NKX2-3: variants seen among roughly 807,000 people sequenced by gnomAD.
NKX2-3 encodes homeobox protein Nkx-2.3.
NKX2-3 carries 3 observed loss-of-function variants against 14.2 expected under a neutral mutation model. The ratio of observed to expected loss-of-function variants is 0.21; its 90% confidence interval spans 0.10 to 0.55. The LOEUF (loss-of-function observed/expected upper bound fraction) is 0.55, where lower values mean the gene tolerates loss of function less well. NKX2-3 is among the 20% of genes least tolerant of loss of function. NKX2-3 has a pLI of 0.94. For missense variants in NKX2-3, 511 were observed against 514.5 expected (o/e 0.99, Z 0.06); for synonymous variants, 276 against 234.2 (o/e 1.18, Z -1.63).
At position 99,533,230 on chromosome 10, in the gene NKX2-3, G is replaced by A; in HGVS notation, c.99G>A (p.Gln33=). The part of the protein sequence containing the change: ...QHQHFHGAHL[Q]ADLEHHFHSA... ...AGCACTTCCATGGTGCGCACTTGCAGGCGGACTTGGAGCACCACTTCCACT... is the reference window on the plus strand; with the variant it reads ...AGCACTTCCATGGTGCGCACTTGCAAGCGGACTTGGAGCACCACTTCCACT... Residue 33 remains glutamine (Q), a synonymous_variant, in exon 1 of 2, where the codon CAG becomes CAA. Transcript: ENST00000344586. The A allele has an allele frequency of 6.2e-7, 1 of 1,611,204 alleles. No individual in the cohort carries two copies. Among genetic ancestry groups the A allele is most frequent in the Non-Finnish European group, 8.5e-7 (1 of 1,177,530 alleles).
chr10:99,535,235 C>A lies in NKX2-3; in HGVS notation c.609C>A (p.Cys203Ter). 6.2e-7 allele frequency: 1 copy of A among 1,612,490 alleles called. No individual in the cohort carries two copies. The highest frequency in any genetic ancestry group is 1.7e-5 in the Admixed American group (1 of 59,934). Residue 203 changes from cysteine to a stop codon, truncating the protein, a stop_gained, in exon 2 of 2, where the codon TGC (cysteine) becomes TGA (stop). Coordinates refer to ENST00000344586, the MANE Select transcript of NKX2-3 (RefSeq NM_145285.3). LOFTEE classifies it low-confidence loss of function (END_TRUNC). ...GGTTCCAGAATCGCAGGTACAAGTGCAAGAGACAGCGGCAGGACAAGTCTC... is the reference window on the plus strand; with the variant it reads ...GGTTCCAGAATCGCAGGTACAAGTGAAAGAGACAGCGGCAGGACAAGTCTC... ...KIWFQNRRYK[C>*]KRQRQDKSLE...
Position 99,535,638 on chromosome 10 carries a change from G to A in NKX2-3, c.1012G>A (p.Gly338Ser), listed in dbSNP as rs1408215465. ...VSNLGGFGSG[G>S]SAQPLHQGTA... is the part of the protein sequence containing the mutation. ...CAACCTAGGAGGCTTCGGCAGCGGC[G>A]GCAGCGCACAGCCGTTGCACCAGGG... The change falls in exon 2 of 2, where the codon GGC (glycine) becomes AGC (serine). Residue 338 changes from glycine (G) to serine (S), a missense_variant. Physicochemically the swap from Gly to Ser is moderately conservative, Grantham distance 56. Transcript: ENST00000344586. 6.5e-7 allele frequency: 1 copy of A among 1,534,840 alleles called. No individual in the cohort carries two copies. The highest frequency in any genetic ancestry group is 2.5e-5 in the East Asian group (1 of 40,064).
In NKX2-3 at chr10:99,533,502, G is replaced by A; in HGVS notation, c.358+13G>A. The A allele has an allele frequency of 4.5e-6, 7 of 1,548,440 alleles. No individual in the cohort carries two copies. The highest frequency in any genetic ancestry group is 5.2e-6 in the Non-Finnish European group (6 of 1,142,942). ...GACCGGAGCCAAAGTGAGTAGAGGG[G>A]GAAAGAAAACGCACCCGCACACCTG... On this transcript the variant is annotated intron_variant, in intron 1 of 1. Transcript: ENST00000344586.
rs1044990766 is a variant in NKX2-3 at position 99,533,392 on chromosome 10, G to C, written c.261G>C (p.Leu87=). ...AAADGHGDSG[L]CPQGYVHTVL... ...CAGACGGCCACGGGGATTCAGGGCT[G>C]TGTCCCCAGGGCTATGTCCACACGG... Residue 87 remains leucine (L), a synonymous_variant, in exon 1 of 2, where the codon CTG becomes CTC. Transcript: ENST00000344586. The C allele has an allele frequency of 6.2e-7, 1 of 1,607,372 alleles. No individual in the cohort carries two copies. Among genetic ancestry groups the C allele is most frequent in the African/African-American group, 1.3e-5 (1 of 75,040 alleles).
intron 1 of NKX2-3, 142 bp from the exon 2 acceptor site, chr10:99,534,843 G>A: frequency 1.9e-6 from 2 of 1,045,738 alleles, no homozygotes; most frequent in Non-Finnish European, 2.7e-6. Context: ...CACAGCGCCA[G>A]GAGCCACAAA....
At position 99,535,341 on chromosome 10, in the gene NKX2-3, G is replaced by C. The variant is rs2033956292; in HGVS notation, c.715G>C (p.Val239Leu). ...PVLVRDGKPC[V>L]TPSAQAYGAP... ...GCTGGTGCGGGACGGCAAGCCGTGCGTCACGCCCAGCGCGCAGGCCTACGG... is the reference window on the plus strand; with the variant it reads ...GCTGGTGCGGGACGGCAAGCCGTGCCTCACGCCCAGCGCGCAGGCCTACGG... The change falls in exon 2 of 2, where the codon GTC becomes CTC. Residue 239 changes from valine (V) to leucine (L), a missense_variant. Coordinates refer to ENST00000344586, the MANE Select transcript of NKX2-3 (RefSeq NM_145285.3). 6.6e-7 allele frequency: 1 copy of C among 1,516,100 alleles called. No homozygotes were observed. Among genetic ancestry groups the C allele is most frequent in the Non-Finnish European group, 8.8e-7 (1 of 1,135,472 alleles). The allele number at this position is 1,516,100 out of a possible 1,614,324, so 93.9% of individuals were successfully genotyped here.
chr10:99,535,023 G>C lies in NKX2-3; in HGVS notation c.397G>C (p.Asp133His). The change falls in exon 2 of 2, where the codon GAC becomes CAC. Residue 133 changes from aspartate (D) to histidine (H), a missense_variant. By Grantham distance (81) the Asp-to-His change is moderately conservative. Coordinates refer to ENST00000344586, the MANE Select transcript of NKX2-3 (RefSeq NM_145285.3). ...GAAGAAGTCTCTAGAGACGGCCGGAGACTGCAAGGCGGCGGAGGAGAGCGA... is the reference window on the plus strand; with the variant it reads ...GAAGAAGTCTCTAGAGACGGCCGGACACTGCAAGGCGGCGGAGGAGAGCGA... ...QLKKSLETAG[D>H]CKAAEESERP... The C allele has an allele frequency of 6.2e-7, 1 of 1,606,272 alleles. No individual in the cohort carries two copies.
In NKX2-3 at chr10:99,533,340, T is replaced by G. The variant is rs114975224; in HGVS notation, c.209T>G (p.Leu70Trp). 1 of 1,612,510 alleles carries G rather than the reference T, an allele frequency of 6.2e-7. No individual in the cohort carries two copies. The highest frequency in any genetic ancestry group is 1.3e-5 in the African/African-American group (1 of 74,988). ...EEDEEDEGEK[L>W]SYLNSLAAAD... ...GACGAGGAAGACGAGGGCGAGAAAT[T>G]GTCCTATTTGAACTCACTAGCCGCA... is the stretch of plus-strand genomic sequence containing the variant. Residue 70 changes from leucine to tryptophan, a missense_variant, in exon 1 of 2, where the codon TTG becomes TGG. Physicochemically the swap from Leu to Trp is moderately conservative, Grantham distance 61. Around this residue, in one of 3 missense-constraint regions of NKX2-3, gnomAD observed 243 missense variants for 242.3 expected, o/e 1.00. Coordinates refer to ENST00000344586, the MANE Select transcript of NKX2-3 (RefSeq NM_145285.3).
In NKX2-3 at chr10:99,535,302, G is replaced by A; in HGVS notation, c.676G>A (p.Val226Met). 1.3e-6 allele frequency: 2 copies of A among 1,583,730 alleles called. No homozygotes were observed. The highest frequency in any genetic ancestry group is 1.7e-6 in the Non-Finnish European group (2 of 1,166,252). Residue 226 changes from valine to methionine, a missense_variant, in exon 2 of 2, where the codon GTG becomes ATG. Physicochemically the swap from Val to Met is conservative, Grantham distance 21 (BLOSUM62 1). Coordinates refer to ENST00000344586, the MANE Select transcript of NKX2-3 (RefSeq NM_145285.3). ...CGCGCCCCCGCCGCCGCCGCGCCGC[G>A]TGGCTGTCCCGGTGCTGGTGCGGGA... ...AHAPPPPPRR[V>M]AVPVLVRDGK...
In NKX2-3 at chr10:99,536,518, T is replaced by C. The variant is rs1214582931; in HGVS notation, c.*797T>C. 1 of 152,788 alleles carries C rather than the reference T, an allele frequency of 6.5e-6. No homozygotes were observed. Among genetic ancestry groups the C allele is most frequent in the Non-Finnish European group, 1.5e-5 (1 of 68,084 alleles). 9.5% of individuals were successfully genotyped at this position (152,788 alleles called of 1,614,324 possible). On this transcript the variant is annotated 3_prime_UTR_variant, in exon 2 of 2. Coordinates refer to ENST00000344586, the MANE Select transcript of NKX2-3 (RefSeq NM_145285.3). Reference sequence around the variant, plus strand: ...GGAGTCAATAAACAAGGTGCAATATTTTCAAATCGTTGGCCGGCTACAGAA... The same window carrying C: ...GGAGTCAATAAACAAGGTGCAATATCTTCAAATCGTTGGCCGGCTACAGAA...
Position 99,535,438 on chromosome 10 carries a change from C to A in NKX2-3, c.812C>A (p.Ala271Asp). The A allele has an allele frequency of 1.5e-6, 2 of 1,321,394 alleles. No homozygotes were observed. Among genetic ancestry groups the A allele is most frequent in the Non-Finnish European group, 9.7e-7 (1 of 1,031,870 alleles). 81.9% of individuals were successfully genotyped at this position (1,321,394 alleles called of 1,614,324 possible). The stretch of plus-strand genomic sequence containing the variant: ...CCCGCCTACGGCTATGGGAACTCGG[C>A]CGCGGCCGCCGCCGCCGCCGCCGCC... ...SFPAYGYGNS[A>D]AAAAAAAAAA... is the part of the protein sequence containing the mutation. The change falls in exon 2 of 2, where the codon GCC (alanine) becomes GAC (aspartate). Residue 271 changes from alanine (A) to aspartate (D), a missense_variant. This residue lies in a region of NKX2-3 where 264 missense variants were observed against 254.7 expected (regional missense o/e 1.04). Transcript: ENST00000344586.
At chr10:99,533,794 T>C (rs2033937044) in intron 1 of NKX2-3, among the ~76,000 whole-genome samples, 1 of 152,226 alleles carries the variant, frequency 6.6e-6, no homozygotes, top group African/African-American at 2.4e-5. Context: ...TGGGTCCTCA[T>C]AACTGGCAGT....
At position 99,535,592 on chromosome 10, in the gene NKX2-3, C is replaced by A; in HGVS notation, c.966C>A (p.Gly322=). ...AMQPACSAAG[G]GPFVNVSNLG... is the part of the protein sequence containing the mutation. ...AGCCCGCCTGCAGCGCGGCCGGAGG[C>A]GGCCCCTTTGTGAACGTGAGCAACC... Residue 322 remains glycine (G), a synonymous_variant, in exon 2 of 2, where the codon GGC becomes GGA. Coordinates refer to ENST00000344586, the MANE Select transcript of NKX2-3 (RefSeq NM_145285.3). 6.6e-7 allele frequency: 1 copy of A among 1,507,388 alleles called. No individual in the cohort carries two copies. Among genetic ancestry groups the A allele is most frequent in the Non-Finnish European group, 8.8e-7 (1 of 1,133,346 alleles). The allele number at this position is 1,507,388 out of a possible 1,614,324, so 93.4% of individuals were successfully genotyped here. A position where few individuals can be genotyped will look rare whatever the true frequency, so the allele number is the denominator to read the frequency against.
At chr10:99,534,476 T>TA (rs2033944774) in intron 1 of NKX2-3, among the ~76,000 whole-genome samples, 1 of 152,226 alleles carries the variant, frequency 6.6e-6, no homozygotes, top group South Asian at 2.1e-4. Context: ...GCTTGTAGTC[T>TA]TTTATAAGCC....
intron 1 of NKX2-3, among the ~76,000 whole-genome samples, chr10:99,534,188 G>T (rs1021467770): frequency 2.6e-5 from 4 of 152,226 alleles, no homozygotes; most frequent in Admixed American, 6.5e-5. Context: ...CAGGCTGCGG[G>T]CCTAATAGAA....
chr10:99,535,942 A>C lies in NKX2-3; in HGVS notation c.*221A>C. 3.7e-6 allele frequency: 2 copies of C among 547,496 alleles called. No individual in the cohort carries two copies. The allele number at this position is 547,496 out of a possible 1,614,324, so 33.9% of individuals were successfully genotyped here. A position where few individuals can be genotyped will look rare whatever the true frequency, so the allele number is the denominator to read the frequency against. ...TCGCCAGGACTGTCTCTGAGGCAGA[A>C]ACGCCGGCTGGGCGCCGGGGAGGAC... On this transcript the variant is annotated 3_prime_UTR_variant, in exon 2 of 2. Coordinates refer to ENST00000344586, the MANE Select transcript of NKX2-3 (RefSeq NM_145285.3).
chr10:99,534,615 A>C (rs1331642862), intron 1 of NKX2-3, among the ~76,000 whole-genome samples: 1 of 152,230 alleles, frequency 6.6e-6, no homozygotes, highest in Non-Finnish European at 1.5e-5. Flanking sequence ...GTGGAGTAGA[A>C]TGCAAACGAG....
Position 99,536,523 on chromosome 10 carries a change from A to G in NKX2-3, c.*802A>G, listed in dbSNP as rs549293155. 1 of 152,910 alleles carries G rather than the reference A, an allele frequency of 6.5e-6. No individual in the cohort carries two copies. The highest frequency in any genetic ancestry group is 1.9e-4 in the East Asian group (1 of 5,312). The allele number at this position is 152,910 out of a possible 1,614,324, so 9.5% of individuals were successfully genotyped here. On this transcript the variant is annotated 3_prime_UTR_variant, in exon 2 of 2. Coordinates refer to ENST00000344586, the MANE Select transcript of NKX2-3 (RefSeq NM_145285.3). The stretch of plus-strand genomic sequence containing the variant: ...CAATAAACAAGGTGCAATATTTTCA[A>G]ATCGTTGGCCGGCTACAGAATTTGT...
chr10:99,536,476 C>T lies in NKX2-3; in HGVS notation c.*755C>T, dbSNP rs1399918025. On this transcript the variant is annotated 3_prime_UTR_variant, in exon 2 of 2. Coordinates refer to ENST00000344586, the MANE Select transcript of NKX2-3 (RefSeq NM_145285.3). ...TATAACCACACGCCGTGTAGACACC[C>T]GCTGCCACACACTACAGGAGTCAAT... The T allele has an allele frequency of 6.5e-6, 1 of 152,788 alleles. No homozygotes were observed. The highest frequency in any genetic ancestry group is 1.5e-5 in the Non-Finnish European group (1 of 68,084). The allele number at this position is 152,788 out of a possible 1,614,324, so 9.5% of individuals were successfully genotyped here.
Sources: allele counts gnomAD v4.1 joint callset (sites outside exome capture counted in the v4.1 genomes callset), GRCh38; gene constraint gnomAD v4.1.1; regional missense constraint gnomAD v4.1.1; transcripts MANE v1.5; gene names NCBI Gene and HGNC (gene_info 2026-07-23, HGNC 2026-07-21).